Variants in APBA1 observed in about 807,000 individuals in gnomAD.
APBA1 encodes amyloid beta precursor protein binding family A member 1, also known as amyloid-beta A4 precursor protein-binding family A member 1.
Under a neutral mutation model 86.6 loss-of-function variants are expected in APBA1, and 55 were observed. That is an observed-to-expected ratio of 0.64 (90% CI 0.51 to 0.80). The LOEUF (loss-of-function observed/expected upper bound fraction) is 0.80, where lower values mean the gene tolerates loss of function less well. Among genes scored for constraint, APBA1 ranks in the 30% least tolerant of loss-of-function variants. The probability of loss-of-function intolerance (pLI) is 0.00; values close to 1 mark genes in which losing one functional copy is unlikely to be tolerated. For missense variants in APBA1, 1,090 were observed against 1,183.0 expected, an observed-to-expected ratio of 0.92 and a Z score of 1.15; for synonymous variants, 511 against 493.9, an observed-to-expected ratio of 1.03 and a Z score of -0.46.
Position 69,620,823 on chromosome 9 carries a change from G to C in APBA1, c.-70+51330C>G, listed in dbSNP as rs75614864. Among the ~76,000 whole-genome samples the C allele has an allele frequency of 5.8e-3, 888 of 152,326 alleles. 10 individuals are homozygous for C. Among genetic ancestry groups the C allele is most frequent in the African/African-American group, 0.02 (838 of 41,578 alleles). Reference sequence around the variant, plus strand: ...CATCTCTGCATGGAGATGCCATGGAGGGAGGTGTTACAGTGTGCAGGCTCG... The same window carrying C: ...CATCTCTGCATGGAGATGCCATGGACGGAGGTGTTACAGTGTGCAGGCTCG... On this transcript the variant is annotated intron_variant, in intron 1 of 12. Coordinates refer to ENST00000265381, the MANE Select transcript of APBA1 (RefSeq NM_001163.4).
At chr9:69,449,871 C>A (rs964293867) in intron 9 of APBA1, 75 bp from the exon 10 acceptor site, 5 of 1,352,058 alleles carry the variant, frequency 3.7e-6, no homozygotes, top group Non-Finnish European at 5.1e-6. Flanking sequence ...GCCTCTCCCC[C>A]ATTCCTGTCT....
chr9:69,622,192 A>G (rs1006077286), intron 1 of APBA1, among the ~76,000 whole-genome samples: 7 of 152,252 alleles, frequency 4.6e-5, no homozygotes, highest in South Asian at 2.1e-4. Context: ...CCTGTCAAAG[A>G]TGATAAAAAT....
rs139020599 is a variant in APBA1, at chr9:69,658,046, C to T, written c.-70+14107G>A. ...CAGGAGGTTCACTGATCCAGAACAG[C>T]AGGATCCCCAGCCCTCTGCTCCACA... On this transcript the variant is annotated intron_variant, in intron 1 of 12. Transcript: ENST00000265381. Among the ~76,000 whole-genome samples, 33 of 152,334 alleles carry T rather than the reference C, an allele frequency of 2.2e-4. 3 individuals carry two copies. The East Asian group carries it at 5.0e-3, about 23-fold the overall frequency.
At chr9:69,667,315 A>C (rs1210689132) in intron 1 of APBA1, among the ~76,000 whole-genome samples, 1 of 152,146 alleles carries the variant, frequency 6.6e-6, no homozygotes, top group East Asian at 1.9e-4. Context: ...CCAATTATAT[A>C]GCGTTAATTG....
At chr9:69,486,398 C>T (rs1404850663) in intron 2 of APBA1, among the ~76,000 whole-genome samples, 2 of 152,062 alleles carry the variant, frequency 1.3e-5, no homozygotes, top group Non-Finnish European at 2.9e-5. Flanking sequence ...TTTATTTGTT[C>T]CTTCGACAGA....
chr9:69,660,772 G>T (rs1823738405), intron 1 of APBA1, among the ~76,000 whole-genome samples: 1 of 152,142 alleles, frequency 6.6e-6, no homozygotes, highest in African/African-American at 2.4e-5. Context: ...ATATACATGT[G>T]GGGGGCATAC....
chr9:69,647,168 A>C (rs1314793098), intron 1 of APBA1, among the ~76,000 whole-genome samples: 1 of 152,228 alleles, frequency 6.6e-6, no homozygotes, highest in Non-Finnish European at 1.5e-5. Context: ...CTGAGGTTTC[A>C]TTAGTGGCAA....
At chr9:69,457,727 A>C (rs978436308) in intron 6 of APBA1, among the ~76,000 whole-genome samples, 40 of 152,152 alleles carry the variant, frequency 2.6e-4, no homozygotes, top group African/African-American at 9.7e-4. Flanking sequence ...TCCACAACCA[A>C]AAAGCGCAGT....
intron 1 of APBA1, among the ~76,000 whole-genome samples, chr9:69,613,975 A>C (rs1588393818): frequency 6.6e-6 from 1 of 152,182 alleles, no homozygotes; most frequent in East Asian, 1.9e-4. Context: ...TTGTTAACTG[A>C]CCTAAGACGT....
chr9:69,487,566 G>C (rs1469077492), intron 2 of APBA1, among the ~76,000 whole-genome samples: 27 of 152,126 alleles, frequency 1.8e-4, no homozygotes. Flanking sequence ...GAGGTGACTG[G>C]GTCATGAGAG....
At chr9:69,636,822 AGAGAGAGAGGGAGG>A (rs1243846911) in intron 1 of APBA1, among the ~76,000 whole-genome samples, 8 of 28,774 alleles carry the variant, frequency 2.8e-4, no homozygotes, top group East Asian at 2.4e-3. Context: ...AGAGAGAGAG[AGAGAGAGAGGGAGG>A]GAGGGAGGGA....
At chr9:69,652,360 G>C (rs1209619892) in intron 1 of APBA1, among the ~76,000 whole-genome samples, 1 of 152,156 alleles carries the variant, frequency 6.6e-6, no homozygotes, top group Non-Finnish European at 1.5e-5. Flanking sequence ...TAGTCAGAGT[G>C]AGCAGGGCAA....
At chr9:69,586,897 T>C (rs961890019) in intron 1 of APBA1, among the ~76,000 whole-genome samples, 1 of 152,168 alleles carries the variant, frequency 6.6e-6, no homozygotes, top group Admixed American at 6.5e-5. Context: ...CAGCCTAAAG[T>C]ATGATGAAGC....
intron 1 of APBA1, among the ~76,000 whole-genome samples, chr9:69,622,075 A>T (rs1437893177): frequency 6.6e-6 from 1 of 151,952 alleles, no homozygotes; most frequent in Non-Finnish European, 1.5e-5. Flanking sequence ...AAAAACACAG[A>T]CTCCTTAAGC....
chr9:69,531,586 C>T (rs1191251754), intron 1 of APBA1, among the ~76,000 whole-genome samples: 1 of 152,184 alleles, frequency 6.6e-6, no homozygotes, highest in Non-Finnish European at 1.5e-5. Flanking sequence ...TTATGTGTCC[C>T]ACAGACAATC....
In APBA1 at chr9:69,516,522, G is replaced by T; in HGVS notation, c.689C>A (p.Ala230Asp). ...GTAATGGTGCAGCCGCGCGCCCAGG[G>T]CCTCCTGGCGGTACGCGGCCGCCTC... is the stretch of plus-strand genomic sequence containing the variant. ...RDEAAAYRQE[A>D]LGARLHHYDE... Residue 230 changes from alanine to aspartate, a missense_variant, in exon 2 of 13, where the codon GCC becomes GAC. Physicochemically the swap from Ala to Asp is moderately radical, Grantham distance 126 (BLOSUM62 -2). This residue lies in a region of APBA1 where 678 missense variants were observed against 647.1 expected (regional missense o/e 1.05). Coordinates refer to ENST00000265381, the MANE Select transcript of APBA1 (RefSeq NM_001163.4). This position sits in a 1 kb window ranked among gnomAD's most constrained non-coding sequence, Gnocchi z 7.3. 1 of 1,595,196 alleles carries T rather than the reference G, an allele frequency of 6.3e-7. No individual in the cohort carries two copies. Among genetic ancestry groups the T allele is most frequent in the South Asian group, 1.1e-5 (1 of 90,508 alleles).
chr9:69,629,747 C>A (rs1823002178), intron 1 of APBA1, among the ~76,000 whole-genome samples: 1 of 152,118 alleles, frequency 6.6e-6, no homozygotes, highest in South Asian at 2.1e-4. Flanking sequence ...CTGGGGTTAC[C>A]CCAGTAAATG....
chr9:69,567,127 A>G (rs1390828094), intron 1 of APBA1, among the ~76,000 whole-genome samples: 1 of 152,216 alleles, frequency 6.6e-6, no homozygotes, highest in Admixed American at 6.5e-5. Flanking sequence ...ATAGCATTAT[A>G]TATTCATTCA....
chr9:69,456,072 C>A (rs528269699), intron 8 of APBA1, among the ~76,000 whole-genome samples, 175 bp downstream of exon 8: 1 of 152,160 alleles, frequency 6.6e-6, no homozygotes, highest in African/African-American at 2.4e-5. Context: ...TCAGCCCTTG[C>A]GATGAGTACC....
Sources: allele counts gnomAD v4.1 joint callset (sites outside exome capture counted in the v4.1 genomes callset), GRCh38; gene constraint gnomAD v4.1.1; regional missense constraint gnomAD v4.1.1; non-coding constraint Gnocchi (gnomAD v3.1); transcripts MANE v1.5; gene names NCBI Gene and HGNC (gene_info 2026-07-23, HGNC 2026-07-21).